The following PPFIA1 variants were observed in gnomAD, a reference collection of about 807,000 sequenced individuals.
PPFIA1 encodes PPFI scaffold protein A1, also known as liprin-alpha-1.
In PPFIA1, 25 loss-of-function variants were observed where a neutral mutation model predicts 149.9. That is an observed-to-expected ratio of 0.17 (90% CI 0.12 to 0.23). The LOEUF (loss-of-function observed/expected upper bound fraction) is 0.23, where lower values mean the gene tolerates loss of function less well. PPFIA1 is among the 10% of genes least tolerant of loss of function. The probability of loss-of-function intolerance (pLI) is 1.00; values close to 1 mark genes in which losing one functional copy is unlikely to be tolerated. For missense variants in PPFIA1, 1,362 were observed against 1,506.5 expected (o/e 0.90, Z 1.59); for synonymous variants, 549 against 552.8 (o/e 0.99, Z 0.10).
rs138406162 is a variant in PPFIA1 at position 70,347,573 on chromosome 11, G to A, written c.1932-616G>A. Among the ~76,000 whole-genome samples, 183 of 152,294 alleles carry A rather than the reference G, an allele frequency of 1.2e-3. 1 individual carries two copies. The highest frequency in any genetic ancestry group is 4.0e-3 in the African/African-American group (168 of 41,558). ...TTTAAAAGATGAGCCAGGCGTGGTA[G>A]TGCATACCTGTTGCCCCAGCTACTT... On this transcript the variant is annotated intron_variant, in intron 15 of 27. Transcript: ENST00000253925.
In PPFIA1 at chr11:70,375,084, G is replaced by C; in HGVS notation, c.3306G>C (p.Gln1102His). Residue 1102 changes from glutamine (Q) to histidine (H), a missense_variant, in exon 24 of 28, where the codon CAG becomes CAC. By Grantham distance (24) the Gln-to-His change is conservative (BLOSUM62 0). Transcript: ENST00000253925. ...CACTGCTGTTACAGATCCCGACGCAGAACACACAGGTGACGCCAAACCTGT... is the reference window on the plus strand; with the variant it reads ...CACTGCTGTTACAGATCCCGACGCACAACACACAGGTGACGCCAAACCTGT... ...ALALLLQIPTQNTQARAVLER... is the reference protein window; with the variant it reads ...ALALLLQIPTHNTQARAVLER... The C allele has an allele frequency of 1.2e-6, 2 of 1,600,010 alleles. No homozygotes were observed. The highest frequency in any genetic ancestry group is 2.2e-5 in the South Asian group (2 of 89,718).
intron 2 of PPFIA1, among the ~76,000 whole-genome samples, chr11:70,292,264 G>A (rs1359377864): frequency 1.3e-5 from 2 of 152,328 alleles, no homozygotes; most frequent in South Asian, 2.1e-4. Flanking sequence ...AATCACACAT[G>A]TGAGCCACCA....
chr11:70,381,904 GC>G (rs967697627), intron 26 of PPFIA1, among the ~76,000 whole-genome samples, 183 bp from the exon 27 acceptor site: 1 of 150,286 alleles, frequency 6.7e-6, no homozygotes, highest in African/African-American at 2.5e-5. Context: ...GCTGGGGAGA[GC>G]CACCACTGGG....
At chr11:70,291,837 A>AT (rs398016576) in intron 2 of PPFIA1, among the ~76,000 whole-genome samples, 90,157 of 119,630 alleles carry the variant, frequency 0.75, 35,889 homozygotes, top group East Asian at 0.92. Context: ...CGCCTGGCTA[A>AT]TTTTTTTTTT....
chr11:70,321,962 C>T (rs1004448377), intron 2 of PPFIA1, among the ~76,000 whole-genome samples: 10 of 152,318 alleles, frequency 6.6e-5, no homozygotes, highest in South Asian at 2.1e-4. Flanking sequence ...CTCCACCTCC[C>T]GGGTTCAAGC....
chr11:70,271,156 G>C (rs1213522617), intron 1 of PPFIA1: 1 of 152,050 alleles, frequency 6.6e-6, no homozygotes, highest in Non-Finnish European at 1.5e-5. Flanking sequence ...CCGTGACCCG[G>C]GCGCTGGGGC....
At chr11:70,334,756 G>C (rs921450441) in intron 10 of PPFIA1, 3 of 152,226 alleles carry the variant, frequency 2.0e-5, no homozygotes, top group African/African-American at 4.8e-5. Context: ...TCTCATGGCT[G>C]TCTCCTCCTG....
chr11:70,296,753 GGGA>G (rs2052068644), intron 2 of PPFIA1, among the ~76,000 whole-genome samples: 1 of 140,674 alleles, frequency 7.1e-6, no homozygotes, highest in Non-Finnish European at 1.6e-5. Flanking sequence ...GAGAGAGGGA[GGGA>G]GGGAGGGGGA....
At chr11:70,346,041 A>G (rs1343618991) in intron 15 of PPFIA1, 2 of 427,206 alleles carry the variant, frequency 4.7e-6, no homozygotes, top group Non-Finnish European at 9.3e-6. Flanking sequence ...TCAGTATTTT[A>G]AAGGGTTTTT....
intron 2 of PPFIA1, among the ~76,000 whole-genome samples, chr11:70,284,306 A>G (rs897995084): frequency 6.6e-6 from 1 of 152,202 alleles, no homozygotes; most frequent in Admixed American, 6.6e-5. Flanking sequence ...TCTTTGGTGT[A>G]TGAAATAGTT....
intron 24 of PPFIA1, chr11:70,375,418 T>C (rs1055781408): frequency 6.5e-5 from 12 of 185,448 alleles, no homozygotes; most frequent in Non-Finnish European, 6.6e-5. Flanking sequence ...ATTTTGTTTT[T>C]ATGGGTAATT....
intron 2 of PPFIA1, among the ~76,000 whole-genome samples, chr11:70,282,629 C>T (rs144583486): frequency 0.13 from 18,068 of 142,398 alleles, 1,217 homozygotes; most frequent in Admixed American, 0.19. Context: ...CCTGGGTTCA[C>T]ACCATTCTTC....
At chr11:70,364,524 T>G (rs529658183) in intron 21 of PPFIA1, 1 of 152,306 alleles carries the variant, frequency 6.6e-6, no homozygotes, top group Non-Finnish European at 1.5e-5. Flanking sequence ...AGCGCTGGAT[T>G]TAGGGCTCCC....
chr11:70,362,294 G>A lies in PPFIA1; in HGVS notation c.2671G>A (p.Val891Ile). Residue 891 changes from valine (V) to isoleucine (I), a missense_variant, in exon 21 of 28, where the codon GTT becomes ATT. Physicochemically the swap from Val to Ile is conservative, Grantham distance 29 (BLOSUM62 3). This residue lies in a region of PPFIA1 where 91 missense variants were observed against 91.2 expected (regional missense o/e 1.00). Coordinates refer to ENST00000253925, the MANE Select transcript of PPFIA1 (RefSeq NM_003626.5). Reference sequence around the variant, plus strand: ...TTCCGCTTTCCGCCTCCAGCTCTGGGTTGGGATGCCAGCCTGGTATGTGGC... The same window carrying A: ...TTCCGCTTTCCGCCTCCAGCTCTGGATTGGGATGCCAGCCTGGTATGTGGC... The part of the protein sequence containing the change: ...PTVVVWLELW[V>I]GMPAWYVAAC... 1 of 1,614,148 alleles carries A rather than the reference G, an allele frequency of 6.2e-7. No homozygotes were observed.
rs76351416 is a variant in PPFIA1 at position 70,335,734 on chromosome 11, C to T, written c.1428+40C>T. ...ACGGACATGCTGGAGCTTTCCCACC[C>T]TCTGCCAAAAGATTGCTCATCTGCC... On this transcript the variant is annotated intron_variant, in intron 11 of 27. Coordinates refer to ENST00000253925, the MANE Select transcript of PPFIA1 (RefSeq NM_003626.5). The T allele has an allele frequency of 5.4e-3, 8,751 of 1,609,360 alleles. 436 individuals carry two copies. In the African/African-American group the frequency reaches 0.1, roughly 19 times the overall value.
chr11:70,294,025 T>C (rs930142525), intron 2 of PPFIA1, among the ~76,000 whole-genome samples: 4 of 149,720 alleles, frequency 2.7e-5, no homozygotes, highest in Non-Finnish European at 4.4e-5. Context: ...CAGCCTCGAC[T>C]TCCTGGGCTC....
intron 19 of PPFIA1, among the ~76,000 whole-genome samples, chr11:70,356,827 C>T (rs918229234): frequency 6.6e-6 from 1 of 152,156 alleles, no homozygotes; most frequent in Non-Finnish European, 1.5e-5. Context: ...TTCCGTAGAT[C>T]GGGTAGTTTT....
rs746313866 is a variant in PPFIA1 at position 70,354,308 on chromosome 11, C to T, written c.2171C>T (p.Pro724Leu). The change falls in exon 17 of 28, where the codon CCT (proline) becomes CTT (leucine). Residue 724 changes from proline to leucine, a missense_variant. Coordinates refer to ENST00000253925, the MANE Select transcript of PPFIA1 (RefSeq NM_003626.5). ...ACTTCTCTCACCCCTCAGTTGCCAC[C>T]TTCCAGAGAAGAGGTACGAGATGAC... ...DRLGVMTLLP[P>L]SREEVRDDKT... is the part of the protein sequence containing the mutation. 5 of 1,612,284 alleles carry T rather than the reference C, an allele frequency of 3.1e-6. No homozygotes were observed. In the Admixed American group the frequency reaches 6.7e-5, roughly 22 times the overall value.
intron 2 of PPFIA1, among the ~76,000 whole-genome samples, chr11:70,296,200 C>T (rs895377576): frequency 6.1e-5 from 9 of 147,376 alleles, no homozygotes; most frequent in South Asian, 2.2e-4. Context: ...TTTCCAGACT[C>T]GGCAGCCAGG....
Sources: allele counts gnomAD v4.1 joint callset (sites outside exome capture counted in the v4.1 genomes callset), GRCh38; gene constraint gnomAD v4.1.1; regional missense constraint gnomAD v4.1.1; transcripts MANE v1.5; gene names NCBI Gene and HGNC (gene_info 2026-07-23, HGNC 2026-07-21).